The following SUPT5H variants were observed in gnomAD, a reference collection of about 807,000 sequenced individuals.
SUPT5H encodes transcription elongation factor SPT5.
In SUPT5H, 24 loss-of-function variants were observed where a neutral mutation model predicts 142.5. The observed-to-expected ratio is 0.17, with a 90% confidence interval of 0.12 to 0.24. The LOEUF is 0.24. Among genes scored for constraint, SUPT5H ranks in the 10% least tolerant of loss-of-function variants. The pLI is 1.00. For missense variants in SUPT5H, 893 were observed against 1,471.8 expected, an observed-to-expected ratio of 0.61 and a Z score of 6.43; for synonymous variants, 546 against 553.0, an observed-to-expected ratio of 0.99 and a Z score of 0.18.
chr19:39,448,684 T>C lies in SUPT5H; in HGVS notation c.75+2719T>C, dbSNP rs549294891. Among the ~76,000 whole-genome samples, 4 of 152,030 alleles carry C rather than the reference T, an allele frequency of 2.6e-5. No individual in the cohort carries two copies. The East Asian group carries it at 7.7e-4, about 29-fold the overall frequency. ...TTCAGACAGCCAAATGATGACATGG[T>C]CCTTGAAGGACAGGGTTCTGTGGCT... On this transcript the variant is annotated intron_variant, in intron 2 of 29. Transcript: ENST00000432763.
In SUPT5H at chr19:39,470,546, C is replaced by T. The variant is rs375766307; in HGVS notation, c.1677+23C>T. 2.7e-5 allele frequency: 40 copies of T among 1,496,042 alleles called. No individual in the cohort carries two copies. Among genetic ancestry groups the T allele is most frequent in the South Asian group, 9.6e-5 (7 of 72,880 alleles). 92.7% of individuals were successfully genotyped at this position (1,496,042 alleles called of 1,614,324 possible). ...CAGGTGTGTGTGTTGTGCTCTGTGGCGGGGACTTGCTTTTAGGAGGCTTCC... is the reference window on the plus strand; with the variant it reads ...CAGGTGTGTGTGTTGTGCTCTGTGGTGGGGACTTGCTTTTAGGAGGCTTCC... On this transcript the variant is annotated intron_variant, in intron 18 of 29. Coordinates refer to ENST00000432763, the MANE Select transcript of SUPT5H (RefSeq NM_001111020.3). This position sits in a 1 kb window ranked among gnomAD's most constrained non-coding sequence, Gnocchi z 5.8.
At position 39,464,887 on chromosome 19, in the gene SUPT5H, C is replaced by T. The variant is rs978717169; in HGVS notation, c.714C>T (p.Ala238=). 1 of 1,614,170 alleles carries T rather than the reference C, an allele frequency of 6.2e-7. No individual in the cohort carries two copies. Among genetic ancestry groups the T allele is most frequent in the Non-Finnish European group, 8.5e-7 (1 of 1,180,036 alleles). The change falls in exon 11 of 30, where the codon GCC becomes GCT. Residue 238 remains alanine (A), a synonymous_variant. Transcript: ENST00000432763. The part of the protein sequence containing the change: ...EAYKQTHVKQ[A]IEGVGNLRLG... The stretch of plus-strand genomic sequence containing the variant: ...ACAAGCAGACCCACGTGAAGCAGGC[C>T]ATTGAGGGGGTGGGCAACCTGCGGC...
At position 39,468,760 on chromosome 19, in the gene SUPT5H, C is replaced by G; in HGVS notation, c.1042C>G (p.Leu348Val). The G allele has an allele frequency of 6.2e-7, 1 of 1,614,056 alleles. No homozygotes were observed. The highest frequency in any genetic ancestry group is 8.5e-7 in the Non-Finnish European group (1 of 1,179,942). ...RLFDAEKIRS[L>V]GGDVASDGDF... ...CTCTCCCCCATCAAATTCCAGGTCCCTGGGGGGTGATGTTGCCTCTGATGG... is the reference window on the plus strand; with the variant it reads ...CTCTCCCCCATCAAATTCCAGGTCCGTGGGGGGTGATGTTGCCTCTGATGG... The change falls in exon 14 of 30, where the codon CTG becomes GTG. Residue 348 changes from leucine (L) to valine (V), a missense_variant. By Grantham distance (32) the Leu-to-Val change is conservative (BLOSUM62 1). Around this residue, in one of 6 missense-constraint regions of SUPT5H, gnomAD observed 428 missense variants for 763.5 expected, o/e 0.56. Transcript: ENST00000432763.
chr19:39,448,470 A>C (rs1254390790), intron 2 of SUPT5H, among the ~76,000 whole-genome samples: 16 of 152,106 alleles, frequency 1.1e-4, no homozygotes. Flanking sequence ...GGTGGAAATG[A>C]GACCAAGATC....
rs764285224 is a variant in SUPT5H at position 39,474,594 on chromosome 19, C to T, written c.2900C>T (p.Thr967Met). Reference protein sequence around the residue: ...APSPGGYNPHTPGSGIEQNSS... With the variant: ...APSPGGYNPHMPGSGIEQNSS... ...TCCCCTGGTGGCTACAACCCACACA[C>T]GCCAGGCTCAGGCATCGAGCAGAAC... The change falls in exon 28 of 30, where the codon ACG becomes ATG. Residue 967 changes from threonine to methionine, a missense_variant. Transcript: ENST00000432763. This position sits in a 1 kb window ranked among gnomAD's most constrained non-coding sequence, Gnocchi z 6.5. 1 of 1,614,250 alleles carries T rather than the reference C, an allele frequency of 6.2e-7. No homozygotes were observed. Among genetic ancestry groups the T allele is most frequent in the Non-Finnish European group, 8.5e-7 (1 of 1,180,046 alleles).
At position 39,472,777 on chromosome 19, in the gene SUPT5H, TG is replaced by T. The variant is rs762409118; in HGVS notation, c.2036-28del. ...GGTGCCCTTGCTGTGGGCACAGCCG[TG>T]GGGGACCAGTGACATTCTCCCCAAT... is the stretch of plus-strand genomic sequence containing the variant. On this transcript the variant is annotated intron_variant, in intron 21 of 29. Coordinates refer to ENST00000432763, the MANE Select transcript of SUPT5H (RefSeq NM_001111020.3). This position sits in a 1 kb window ranked among gnomAD's most constrained non-coding sequence, Gnocchi z 4.2. 4.8e-5 allele frequency: 76 copies of T among 1,598,960 alleles called. 1 individual carries two copies. The African/African-American group carries it at 8.4e-4, about 18-fold the overall frequency.
chr19:39,455,627 C>CTT lies in SUPT5H; in HGVS notation c.242-2036_242-2035dup, dbSNP rs113696535. 1.2e-4 allele frequency among the ~76,000 whole-genome samples: 17 copies of CTT among 143,348 alleles called. No homozygotes were observed. In the South Asian group the frequency reaches 1.3e-3, roughly 11 times the overall value. The allele number at this position is 143,348 out of a possible 152,430, so 94.0% of individuals were successfully genotyped here. A position where few individuals can be genotyped will look rare whatever the true frequency, so the allele number is the denominator to read the frequency against. ...TTACATGCATTTCTTTTCTTTTCTT[C>CTT]TTTTTTTTTTTTTGAGATGGAGTTT... On this transcript the variant is annotated intron_variant, in intron 3 of 29. Coordinates refer to ENST00000432763, the MANE Select transcript of SUPT5H (RefSeq NM_001111020.3).
chr19:39,449,888 C>T (rs1481984097), intron 2 of SUPT5H, among the ~76,000 whole-genome samples: 2 of 151,426 alleles, frequency 1.3e-5, no homozygotes, highest in Admixed American at 1.3e-4. Context: ...TGATCGCCTA[C>T]CTCGGCCTCC....
Position 39,461,110 on chromosome 19 carries a change from T to G in SUPT5H, c.624+1150T>G, listed in dbSNP as rs186682381. Among the ~76,000 whole-genome samples the G allele has an allele frequency of 3.2e-3, 483 of 151,940 alleles. 2 individuals are homozygous for G. The highest frequency in any genetic ancestry group is 4.9e-3 in the Non-Finnish European group (335 of 67,946). Reference sequence around the variant, plus strand: ...TTTGAGACCAGCCTGGCCAACATGGTGAAACCTTGTCCCTACCAAAAATAC... The same window carrying G: ...TTTGAGACCAGCCTGGCCAACATGGGGAAACCTTGTCCCTACCAAAAATAC... On this transcript the variant is annotated intron_variant, in intron 10 of 29. Transcript: ENST00000432763.
At position 39,458,548 on chromosome 19, in the gene SUPT5H, G is replaced by A; in HGVS notation, c.319+243G>A. 2 of 807,968 alleles carry A rather than the reference G, an allele frequency of 2.5e-6. No individual in the cohort carries two copies. The highest frequency in any genetic ancestry group is 3.9e-6 in the Non-Finnish European group (2 of 513,226). 50.0% of individuals were successfully genotyped at this position (807,968 alleles called of 1,614,324 possible). ...ATTTGTGGGTGGTAGCGATGTGTGG[G>A]GTGGGGTGCAGTCCAGGGTGTGCCT... On this transcript the variant is annotated intron_variant, in intron 5 of 29. Coordinates refer to ENST00000432763, the MANE Select transcript of SUPT5H (RefSeq NM_001111020.3). This position sits in a 1 kb window ranked among gnomAD's most constrained non-coding sequence, Gnocchi z 4.2.
chr19:39,459,005 G>A lies in SUPT5H; in HGVS notation c.390G>A (p.Arg130=), dbSNP rs760253033. The A allele has an allele frequency of 1.4e-5, 22 of 1,613,948 alleles. No homozygotes were observed. Among genetic ancestry groups the A allele is most frequent in the East Asian group, 2.2e-5 (1 of 44,888 alleles). ...SGARRLQNLW[R]DQREEELGEY... The stretch of plus-strand genomic sequence containing the variant: ...GTTTGCTTCCCCACTCGTGCTCCAG[G>A]GACCAGCGAGAAGAAGAACTGGGCG... The change falls in exon 7 of 30, where the codon AGG becomes AGA. Residue 130 remains arginine, a splice_region_variant and synonymous_variant. Coordinates refer to ENST00000432763, the MANE Select transcript of SUPT5H (RefSeq NM_001111020.3).
In SUPT5H at chr19:39,470,121, C is replaced by T. The variant is rs2079298999; in HGVS notation, c.1377C>T (p.Asp459=). 1.2e-6 allele frequency: 2 copies of T among 1,612,970 alleles called. No individual in the cohort carries two copies. Among genetic ancestry groups the T allele is most frequent in the Non-Finnish European group, 8.5e-7 (1 of 1,179,426 alleles). ...TIMPKHEDLK[D]MLEFPAQELR... ...TGTCCCCACACCCAATCCCCCAGGA[C>T]ATGTTGGAGTTCCCAGCCCAGGAAC... The change falls in exon 17 of 30, where the codon GAC becomes GAT. Residue 459 remains aspartate (D), a splice_region_variant and synonymous_variant. Coordinates refer to ENST00000432763, the MANE Select transcript of SUPT5H (RefSeq NM_001111020.3). This position sits in a 1 kb window ranked among gnomAD's most constrained non-coding sequence, Gnocchi z 5.8.
Position 39,445,638 on chromosome 19 carries a change from G to C in SUPT5H, c.-88+1G>C. The C allele has an allele frequency of 1.9e-6, 1 of 520,104 alleles. No individual in the cohort carries two copies. The highest frequency in any genetic ancestry group is 2.4e-5 in the South Asian group (1 of 41,684). 32.2% of individuals were successfully genotyped at this position (520,104 alleles called of 1,614,324 possible). A position where few individuals can be genotyped will look rare whatever the true frequency, so the allele number is the denominator to read the frequency against. ...CGAAGGCGGAGGTGGAGCCCGAGAGGTAAGTGCGTGTGCAGAGGTGGCAGT... is the reference window on the plus strand; with the variant it reads ...CGAAGGCGGAGGTGGAGCCCGAGAGCTAAGTGCGTGTGCAGAGGTGGCAGT... On this transcript the variant is annotated splice_donor_variant, in intron 1 of 29. Coordinates refer to ENST00000432763, the MANE Select transcript of SUPT5H (RefSeq NM_001111020.3). LOFTEE classifies it low-confidence loss of function (5UTR_SPLICE).
chr19:39,472,719 G>A lies in SUPT5H; in HGVS notation c.2036-91G>A. On this transcript the variant is annotated intron_variant, in intron 21 of 29. Coordinates refer to ENST00000432763, the MANE Select transcript of SUPT5H (RefSeq NM_001111020.3). The surrounding 1 kb of genome is among the most constrained non-coding windows in gnomAD (Gnocchi z 4.2). ...AGAGGAGGCTCTTAACCCAAGTAGG[G>A]AGGAGTCAAGCAAGTGAAGGGGACG... The A allele has an allele frequency of 6.6e-7, 1 of 1,512,314 alleles. No individual in the cohort carries two copies. The highest frequency in any genetic ancestry group is 1.9e-4 in the Middle Eastern group (1 of 5,138). 93.7% of individuals were successfully genotyped at this position (1,512,314 alleles called of 1,614,324 possible).
Position 39,470,529 on chromosome 19 carries a change from T to C in SUPT5H, c.1677+6T>C. 6.5e-7 allele frequency: 1 copy of C among 1,540,742 alleles called. No homozygotes were observed. The highest frequency in any genetic ancestry group is 8.8e-7 in the Non-Finnish European group (1 of 1,139,736). On this transcript the variant is annotated splice_donor_region_variant and intron_variant, in intron 18 of 29. Transcript: ENST00000432763. The surrounding 1 kb of genome is among the most constrained non-coding windows in gnomAD (Gnocchi z 5.8). ...TAGAACGGGAGACCTTCCAGGTGTGTGTGTTGTGCTCTGTGGCGGGGACTT... is the reference window on the plus strand; with the variant it reads ...TAGAACGGGAGACCTTCCAGGTGTGCGTGTTGTGCTCTGTGGCGGGGACTT...
In SUPT5H at chr19:39,472,703, T is replaced by C; in HGVS notation, c.2036-107T>C. 1 of 1,488,416 alleles carries C rather than the reference T, an allele frequency of 6.7e-7. No individual in the cohort carries two copies. Among genetic ancestry groups the C allele is most frequent in the Non-Finnish European group, 9.0e-7 (1 of 1,114,186 alleles). 92.2% of individuals were successfully genotyped at this position (1,488,416 alleles called of 1,614,324 possible). A position where few individuals can be genotyped will look rare whatever the true frequency, so the allele number is the denominator to read the frequency against. On this transcript the variant is annotated intron_variant, in intron 21 of 29. Coordinates refer to ENST00000432763, the MANE Select transcript of SUPT5H (RefSeq NM_001111020.3). This position sits in a 1 kb window ranked among gnomAD's most constrained non-coding sequence, Gnocchi z 4.2. ...TGGGGCAGGGGTGGGCAGAGGAGGCTCTTAACCCAAGTAGGGAGGAGTCAA... is the reference window on the plus strand; with the variant it reads ...TGGGGCAGGGGTGGGCAGAGGAGGCCCTTAACCCAAGTAGGGAGGAGTCAA...
In SUPT5H at chr19:39,466,625, G is replaced by A. The variant is rs1305443968; in HGVS notation, c.967-50G>A. The A allele has an allele frequency of 3.1e-5, 50 of 1,613,562 alleles. No individual in the cohort carries two copies. The highest frequency in any genetic ancestry group is 4.2e-5 in the Non-Finnish European group (50 of 1,179,496). On this transcript the variant is annotated intron_variant, in intron 12 of 29. Transcript: ENST00000432763. The surrounding 1 kb of genome is among the most constrained non-coding windows in gnomAD (Gnocchi z 4.3). ...AGGGAGTGTGCTCGATCCCACTGGT[G>A]GCCAAGCCCCCTCCCTCACCCTTCC...
intron 2 of SUPT5H, among the ~76,000 whole-genome samples, chr19:39,448,890 T>G (rs768263429): frequency 6.6e-5 from 10 of 150,968 alleles, no homozygotes; most frequent in Non-Finnish European, 1.3e-4. Flanking sequence ...GGTCAGGAGA[T>G]TGAGACCATC....
chr19:39,447,107 G>A (rs1237102500), intron 2 of SUPT5H, among the ~76,000 whole-genome samples: 1 of 152,152 alleles, frequency 6.6e-6, no homozygotes, highest in Non-Finnish European at 1.5e-5. Flanking sequence ...AAGGTCTAGT[G>A]AGCTGTGATG....
Sources: gnomAD v4.1 joint callset for allele counts (sites outside exome capture counted in the v4.1 genomes callset) on GRCh38, gnomAD v4.1.1 for gene constraint, gnomAD v4.1.1 regional missense constraint, Gnocchi (gnomAD v3.1) non-coding constraint, MANE v1.5 for transcripts, NCBI Gene and HGNC (gene_info 2026-07-23, HGNC 2026-07-21) for gene names.